Variants in GRIK2 observed in about 807,000 individuals in gnomAD.
The protein encoded by GRIK2 is glutamate receptor ionotropic, kainate 2.
GRIK2 carries 32 observed loss-of-function variants against 100.3 expected under a neutral mutation model. That is an observed-to-expected ratio of 0.32 (90% CI 0.24 to 0.43). GRIK2 has a LOEUF of 0.43. Among genes scored for constraint, GRIK2 ranks in the 20% least tolerant of loss-of-function variants. The pLI is 1.00. For synonymous variants in GRIK2, 417 were observed against 389.4 expected (o/e 1.07, Z -0.83); for missense variants, 843 against 1,114.9 (o/e 0.76, Z 3.47).
At chr6:101,468,524 TA>T (rs537593241) in intron 2 of GRIK2, among the ~76,000 whole-genome samples, 135 of 145,960 alleles carry the variant, frequency 9.2e-4, no homozygotes, top group Middle Eastern at 7.1e-3. Context: ...TTAGTTAGGT[TA>T]AAAAAAAAAA....
chr6:101,921,286 G>GGAA (rs5878703), intron 12 of GRIK2, among the ~76,000 whole-genome samples: 1 of 151,642 alleles, frequency 6.6e-6, no homozygotes, highest in South Asian at 2.1e-4. Flanking sequence ...AGAAAAATTA[G>GGAA]TAAAAATTGT....
intron 3 of GRIK2, among the ~76,000 whole-genome samples, chr6:101,625,421 T>TAA (rs879423849): frequency 4.2e-5 from 6 of 142,316 alleles, no homozygotes; most frequent in Admixed American, 2.2e-4. Context: ...TAAATAAATA[T>TAA]GAAGTGGGTA....
At chr6:101,559,978 G>A (rs372195798) in intron 2 of GRIK2, among the ~76,000 whole-genome samples, 1 of 152,136 alleles carries the variant, frequency 6.6e-6, no homozygotes, top group East Asian at 1.9e-4. Context: ...TGGGCAAAGG[G>A]TATATGGACA....
chr6:101,534,830 CT>C (rs1018018664), intron 2 of GRIK2, among the ~76,000 whole-genome samples: 12 of 150,804 alleles, frequency 8.0e-5, no homozygotes, highest in East Asian at 3.9e-4. Flanking sequence ...ATCATAATGA[CT>C]TTTTTTTTCA....
chr6:101,928,751 C>T, intron 14 of GRIK2, 119 bp downstream of exon 14: 1 of 641,224 alleles, frequency 1.6e-6, no homozygotes, highest in East Asian at 2.7e-5. Flanking sequence ...TTAATAATAG[C>T]ATATACCTCA....
At chr6:101,583,662 C>G (rs765567187) in intron 2 of GRIK2, among the ~76,000 whole-genome samples, 8 of 152,062 alleles carry the variant, frequency 5.3e-5, no homozygotes, top group Non-Finnish European at 1.0e-4. Context: ...ATATTTTCCA[C>G]ATAGAAAAGT....
At chr6:101,446,061 A>G (rs1770356927) in intron 2 of GRIK2, among the ~76,000 whole-genome samples, 1 of 151,838 alleles carries the variant, frequency 6.6e-6, no homozygotes, top group Non-Finnish European at 1.5e-5. Flanking sequence ...CTTAAATACT[A>G]CTTTCTTCTG....
At chr6:101,434,216 A>G (rs1484635254) in intron 2 of GRIK2, among the ~76,000 whole-genome samples, 4 of 152,190 alleles carry the variant, frequency 2.6e-5, no homozygotes, top group Non-Finnish European at 2.9e-5. Context: ...CCATGCTCCA[A>G]TTGGAGGTGA....
At chr6:101,977,509 A>C (rs1024586870) in intron 14 of GRIK2, among the ~76,000 whole-genome samples, 1 of 151,938 alleles carries the variant, frequency 6.6e-6, no homozygotes, top group African/African-American at 2.4e-5. Flanking sequence ...CAGCCAGACC[A>C]ATGTGGAGTC....
Position 101,747,379 on chromosome 6 carries a change from T to C in GRIK2, c.952-52269T>C, listed in dbSNP as rs1422717849. The stretch of plus-strand genomic sequence containing the variant: ...ATAAGGCTTGGCAGTTTTTCCATTA[T>C]GTCCTGGATACATGCTGCAGAAAGG... On this transcript the variant is annotated intron_variant, in intron 7 of 16. Transcript: ENST00000369134. Among the ~76,000 whole-genome samples the C allele has an allele frequency of 5.9e-5, 9 of 152,356 alleles. No homozygotes were observed. The South Asian group carries it at 1.4e-3, about 25-fold the overall frequency.
intron 14 of GRIK2, among the ~76,000 whole-genome samples, chr6:101,930,019 G>A (rs905880658): frequency 1.3e-5 from 2 of 151,996 alleles, no homozygotes; most frequent in Admixed American, 1.3e-4. Context: ...CTTATCAAAC[G>A]TGTTAATATT....
At chr6:102,061,538 G>A (rs770109398) in intron 16 of GRIK2, among the ~76,000 whole-genome samples, 3 of 150,428 alleles carry the variant, frequency 2.0e-5, no homozygotes, top group Non-Finnish European at 4.5e-5. Flanking sequence ...AACAGATTAT[G>A]GGCTTTGGTC....
At chr6:102,039,387 T>G (rs979239053) in intron 15 of GRIK2, among the ~76,000 whole-genome samples, 2 of 151,536 alleles carry the variant, frequency 1.3e-5, no homozygotes, top group Admixed American at 6.6e-5. Flanking sequence ...GTGTGGTAGA[T>G]TTTTGAAGTT....
chr6:102,060,136 T>C (rs1460587212), intron 16 of GRIK2, among the ~76,000 whole-genome samples: 1 of 150,916 alleles, frequency 6.6e-6, no homozygotes, highest in Non-Finnish European at 1.5e-5. Context: ...GTTGTTTTTT[T>C]AGGACATAGT....
At chr6:101,583,070 C>T (rs992744819) in intron 2 of GRIK2, among the ~76,000 whole-genome samples, 1 of 151,956 alleles carries the variant, frequency 6.6e-6, no homozygotes, top group Non-Finnish European at 1.5e-5. Flanking sequence ...AGAGAAAGGC[C>T]AGGAGGCAGA....
rs1781174565 is a variant in GRIK2, at chr6:101,809,088, T to G, written c.1203+6650T>G. Among the ~76,000 whole-genome samples, 3 of 151,876 alleles carry G rather than the reference T, an allele frequency of 2.0e-5. No individual in the cohort carries two copies. In the South Asian group the frequency reaches 6.2e-4, roughly 31 times the overall value. On this transcript the variant is annotated intron_variant, in intron 9 of 16. Coordinates refer to ENST00000369134, the MANE Select transcript of GRIK2 (RefSeq NM_021956.5). ...CTCTAAAAGGTTTAAATTTGTCATA[T>G]TTTACTTTCATGTGAAGCTTCATTT... is the stretch of plus-strand genomic sequence containing the variant.
intron 14 of GRIK2, among the ~76,000 whole-genome samples, chr6:102,012,602 G>T (rs1385131415): frequency 6.6e-6 from 1 of 152,098 alleles, no homozygotes; most frequent in African/African-American, 2.4e-5. Flanking sequence ...TCATTTTGGA[G>T]GGTCCTAATG....
chr6:101,760,376 T>C (rs1425289596), intron 7 of GRIK2, among the ~76,000 whole-genome samples: 2 of 74,668 alleles, frequency 2.7e-5, no homozygotes, highest in African/African-American at 1.6e-4. Context: ...ATATATTTAT[T>C]ATATATAATT....
rs767297777 is a variant in GRIK2, at chr6:101,818,451, T to A, written c.1285T>A (p.Ser429Thr). The change falls in exon 10 of 17, where the codon TCC (serine) becomes ACC (threonine). Residue 429 changes from serine (S) to threonine (T), a missense_variant. Ser to Thr is a moderately conservative substitution (Grantham distance 58). Around this residue, in one of 3 missense-constraint regions of GRIK2, gnomAD observed 519 missense variants for 643.8 expected, o/e 0.81. Transcript: ENST00000369134. ...GKPANITDSL[S>T]NRSLIVTTIL... ...GCCAGCGAACATCACAGATTCCTTA[T>A]CCAATCGTTCTTTGATTGTTACCAC... 1.6e-4 allele frequency: 265 copies of A among 1,607,196 alleles called. 5 individuals are homozygous for A. The South Asian group carries it at 2.8e-3, about 17-fold the overall frequency.
Sources: allele counts gnomAD v4.1 joint callset (sites outside exome capture counted in the v4.1 genomes callset), GRCh38; gene constraint gnomAD v4.1.1; regional missense constraint gnomAD v4.1.1; transcripts MANE v1.5; gene names NCBI Gene and HGNC (gene_info 2026-07-23, HGNC 2026-07-21).